The following ATAD5 variants were observed in gnomAD, a reference collection of about 807,000 sequenced individuals.
The protein encoded by ATAD5 is ATPase family AAA domain containing 5.
In ATAD5, 58 loss-of-function variants were observed where a neutral mutation model predicts 176.9. That is an observed-to-expected ratio of 0.33 (90% CI 0.27 to 0.41). ATAD5 has a LOEUF of 0.41. Among genes scored for constraint, ATAD5 ranks in the 10% least tolerant of loss-of-function variants. ATAD5 has a pLI of 1.00. For missense variants in ATAD5, 1,789 were observed against 2,094.1 expected, an observed-to-expected ratio of 0.85 and a Z score of 2.84; for synonymous variants, 640 against 712.6, an observed-to-expected ratio of 0.90 and a Z score of 1.62.
chr17:30,874,616 T>TATTTATTTA (rs1271029976), intron 14 of ATAD5, among the ~76,000 whole-genome samples: 35 of 148,290 alleles, frequency 2.4e-4, no homozygotes, highest in Admixed American at 6.7e-4. Flanking sequence ...ACTATTTATT[T>TATTTATTTA]ATTTATTTAT....
chr17:30,875,224 G>A (rs1270693035), intron 14 of ATAD5, among the ~76,000 whole-genome samples: 2 of 152,200 alleles, frequency 1.3e-5, no homozygotes, highest in East Asian at 3.9e-4. Flanking sequence ...TACCTAGAGG[G>A]GAAGAGAGGA....
chr17:30,858,051 A>G (rs1907391191), intron 8 of ATAD5, 110 bp from the exon 9 acceptor site: 2 of 1,033,322 alleles, frequency 1.9e-6, no homozygotes, highest in Admixed American at 3.3e-5. Context: ...GCCTAAAGCT[A>G]ATCTTACGTT....
intron 6 of ATAD5, among the ~76,000 whole-genome samples, chr17:30,850,889 T>A (rs1024781306): frequency 1.7e-4 from 12 of 69,742 alleles, no homozygotes; most frequent in South Asian, 1.2e-3. Flanking sequence ...TTTTTTTTTT[T>A]TTTTTTTTTT....
intron 18 of ATAD5, among the ~76,000 whole-genome samples, chr17:30,880,419 AC>A (rs1474999178): frequency 6.6e-6 from 1 of 151,702 alleles, no homozygotes; most frequent in African/African-American, 2.4e-5. Flanking sequence ...GACCAGCCTG[AC>A]CAACATGGTA....
chr17:30,840,674 G>A lies in ATAD5; in HGVS notation c.2134G>A (p.Ala712Thr), dbSNP rs1906048783. The A allele has an allele frequency of 1.3e-6, 2 of 1,599,410 alleles. No homozygotes were observed. Among genetic ancestry groups the A allele is most frequent in the South Asian group, 2.3e-5 (2 of 87,710 alleles). Residue 712 changes from alanine (A) to threonine (T), a missense_variant, in exon 4 of 23, where the codon GCT becomes ACT. Coordinates refer to ENST00000321990, the MANE Select transcript of ATAD5 (RefSeq NM_024857.5). ...KAKQLIEKAK[A>T]LHISRSKVTE... ...AAAACAATTGATTGAAAAAGCAAAA[G>A]CTTTACACATCAGTAGGTCAAAGGT... is the stretch of plus-strand genomic sequence containing the variant.
chr17:30,880,992 C>T (rs1040438600), intron 18 of ATAD5, among the ~76,000 whole-genome samples: 1 of 147,964 alleles, frequency 6.8e-6, no homozygotes, highest in Non-Finnish European at 1.5e-5. Flanking sequence ...AAATAGCCAC[C>T]TTTTTTTTTT....
chr17:30,834,413 A>G lies in ATAD5; in HGVS notation c.332A>G (p.Lys111Arg). The G allele has an allele frequency of 6.2e-7, 1 of 1,600,102 alleles. No homozygotes were observed. Among genetic ancestry groups the G allele is most frequent in the Non-Finnish European group, 8.5e-7 (1 of 1,174,868 alleles). ...PLEMFSNVEF[K>R]KKRKRVNLSH... Reference sequence around the variant, plus strand: ...GAAATGTTCTCAAATGTAGAGTTTAAGAAGAAAAGAAAGAGGGTTAATTTA... The same window carrying G: ...GAAATGTTCTCAAATGTAGAGTTTAGGAAGAAAAGAAAGAGGGTTAATTTA... The change falls in exon 2 of 23, where the codon AAG (lysine) becomes AGG (arginine). Residue 111 changes from lysine to arginine, a missense_variant. By Grantham distance (26) the Lys-to-Arg change is conservative. Coordinates refer to ENST00000321990, the MANE Select transcript of ATAD5 (RefSeq NM_024857.5).
rs55696194 is a variant in ATAD5 at position 30,840,195 on chromosome 17, T to TA, written c.2077-398dup. Among the ~76,000 whole-genome samples, 652 of 105,942 alleles carry TA rather than the reference T, an allele frequency of 6.2e-3. 5 individuals are homozygous for TA. The highest frequency in any genetic ancestry group is 9.9e-3 in the African/African-American group (277 of 28,108). The allele number at this position is 105,942 out of a possible 152,430, so 69.5% of individuals were successfully genotyped here. A position where few individuals can be genotyped will look rare whatever the true frequency, so the allele number is the denominator to read the frequency against. On this transcript the variant is annotated intron_variant, in intron 3 of 22. Transcript: ENST00000321990. Reference sequence around the variant, plus strand: ...CCTTGGCAGCAGAGCTAGACTCTGTTAAAAAAAAAAAAAAAAAAAAAAAAC... The same window carrying TA: ...CCTTGGCAGCAGAGCTAGACTCTGTTAAAAAAAAAAAAAAAAAAAAAAAAAC...
intron 20 of ATAD5, among the ~76,000 whole-genome samples, chr17:30,892,996 AT>A (rs935817033): frequency 6.6e-6 from 1 of 152,188 alleles, no homozygotes; most frequent in African/African-American, 2.4e-5. Context: ...TTAGAATAGC[AT>A]TTAGAAAATT....
chr17:30,844,186 C>T (rs985431234), intron 5 of ATAD5, 147 bp downstream of exon 5: 15 of 699,364 alleles, frequency 2.1e-5, no homozygotes, highest in South Asian at 1.2e-4. Context: ...TGGAGTGCAG[C>T]GCCGGCGGGA....
chr17:30,870,993 C>A (rs1357758551), intron 14 of ATAD5, among the ~76,000 whole-genome samples: 1 of 151,720 alleles, frequency 6.6e-6, no homozygotes, highest in Non-Finnish European at 1.5e-5. Flanking sequence ...AATATTTTTT[C>A]TGTCCTCCCC....
At chr17:30,874,764 G>A (rs1263127531) in intron 14 of ATAD5, among the ~76,000 whole-genome samples, 1 of 151,092 alleles carries the variant, frequency 6.6e-6, no homozygotes, top group Non-Finnish European at 1.5e-5. Flanking sequence ...CCGAGTAGCT[G>A]GGATTACAGG....
chr17:30,874,548 CAAAAAAA>C (rs1298663817), intron 14 of ATAD5, among the ~76,000 whole-genome samples: 7 of 70,170 alleles, frequency 1.0e-4, no homozygotes, highest in Admixed American at 3.7e-4. Flanking sequence ...TCAAAAGAAA[CAAAAAAA>C]AAAAAAAAAA....
chr17:30,834,692 A>T lies in ATAD5; in HGVS notation c.611A>T (p.Lys204Met). Residue 204 changes from lysine to methionine, a missense_variant, in exon 2 of 23, where the codon AAG becomes ATG. By Grantham distance (95) the Lys-to-Met change is moderately conservative. Coordinates refer to ENST00000321990, the MANE Select transcript of ATAD5 (RefSeq NM_024857.5). ...KQGTTKNDFK[K>M]LRKRKCRDVV... ...GGGACCACAAAAAATGACTTCAAAA[A>T]GTTGAGAAAAAGGAAATGCAGAGAT... 2 of 1,609,868 alleles carry T rather than the reference A, an allele frequency of 1.2e-6. No individual in the cohort carries two copies. The highest frequency in any genetic ancestry group is 1.7e-6 in the Non-Finnish European group (2 of 1,179,030).
chr17:30,894,687 TGA>T lies in ATAD5; in HGVS notation c.5424_5425del (p.Lys1809AlafsTer8), dbSNP rs1264562339. The part of the protein sequence containing the change: ...LPTLRNICKT[E>X]KLKEQGKSKR... ...CAACCCTTCGAAACATCTGTAAGAC[TGA>T]GAAGCTAAAAGAACAAGGAAAAAGT... On this transcript the variant is annotated frameshift_variant, in exon 22 of 23. Coordinates refer to ENST00000321990, the MANE Select transcript of ATAD5 (RefSeq NM_024857.5). LOFTEE classifies it high-confidence loss of function. 1 of 1,611,316 alleles carries T rather than the reference TGA, an allele frequency of 6.2e-7. No homozygotes were observed. Among genetic ancestry groups the T allele is most frequent in the Non-Finnish European group, 8.5e-7 (1 of 1,179,090 alleles).
At chr17:30,867,271 C>T (rs1908055615) in intron 11 of ATAD5, among the ~76,000 whole-genome samples, 1 of 151,962 alleles carries the variant, frequency 6.6e-6, no homozygotes, top group African/African-American at 2.4e-5. Flanking sequence ...ATGATGGCGC[C>T]CACTTGGATT....
chr17:30,883,939 T>G (rs919729333), intron 18 of ATAD5, among the ~76,000 whole-genome samples: 7 of 152,144 alleles, frequency 4.6e-5, no homozygotes, highest in Admixed American at 4.6e-4. Flanking sequence ...AAAATTTTTG[T>G]ATTAAAAAAT....
chr17:30,850,833 T>TATATATA (rs1906849991), intron 6 of ATAD5, among the ~76,000 whole-genome samples: 596 of 27,740 alleles, frequency 0.021, 36 homozygotes, highest in East Asian at 0.029. Context: ...TTATATATTT[T>TATATATA]TATATATATA....
In ATAD5 at chr17:30,832,353, G is replaced by A; in HGVS notation, c.6G>A (p.Val2=). Reference sequence around the variant, plus strand: ...GATTCCGGGAAGCGGGGAGTATGGTGGGGGTCCTGGCCATGGCGGCTGCAG... The same window carrying A: ...GATTCCGGGAAGCGGGGAGTATGGTAGGGGTCCTGGCCATGGCGGCTGCAG... The part of the protein sequence containing the change: M[V]GVLAMAAAAA... Residue 2 remains valine (V), a synonymous_variant, in exon 1 of 23, where the codon GTG becomes GTA. Coordinates refer to ENST00000321990, the MANE Select transcript of ATAD5 (RefSeq NM_024857.5). The A allele has an allele frequency of 6.4e-7, 1 of 1,561,074 alleles. No individual in the cohort carries two copies. Among genetic ancestry groups the A allele is most frequent in the African/African-American group, 1.4e-5 (1 of 71,980 alleles).
Sources: allele counts gnomAD v4.1 joint callset (sites outside exome capture counted in the v4.1 genomes callset), GRCh38; gene constraint gnomAD v4.1.1; transcripts MANE v1.5; gene names NCBI Gene and HGNC (gene_info 2026-07-23, HGNC 2026-07-21).